The following MROH1 variants were observed in gnomAD, a reference collection of about 807,000 sequenced individuals.
The protein encoded by MROH1 is maestro heat like repeat family member 1, also known as maestro heat-like repeat-containing protein family member 1.
In MROH1, 117 loss-of-function variants were observed where a neutral mutation model predicts 116.5. The observed-to-expected ratio is 1.00, with a 90% CI of 0.86 to 1.17. MROH1 has a LOEUF of 1.17. Ranked by LOEUF, MROH1 falls within the 50% of genes most tolerant of loss-of-function variation. The pLI, the probability that MROH1 is intolerant of heterozygous loss-of-function variation, is 0.00. For synonymous variants in MROH1, 921 were observed against 583.9 expected (o/e 1.58, Z -8.32); for missense variants, 1,873 against 1,338.5 (o/e 1.40, Z -6.23).
At chr8:144,233,831 G>A (rs1033783031) in intron 14 of MROH1, among the ~76,000 whole-genome samples, 8 of 152,176 alleles carry the variant, frequency 5.3e-5, no homozygotes, top group Non-Finnish European at 1.2e-4. Context: ...CTGAAATTGG[G>A]AAATACAAGT....
chr8:144,222,516 A>C (rs1836991653), intron 13 of MROH1, among the ~76,000 whole-genome samples: 1 of 152,156 alleles, frequency 6.6e-6, no homozygotes, highest in African/African-American at 2.4e-5. Flanking sequence ...GTGCAGGTAC[A>C]GGTACATCCA....
At position 144,228,024 on chromosome 8, in the gene MROH1, G is replaced by A. The variant is rs182171891; in HGVS notation, c.1338+4794G>A. 2.6e-5 allele frequency among the ~76,000 whole-genome samples: 4 copies of A among 152,082 alleles called. No homozygotes were observed. In the East Asian group the frequency reaches 7.8e-4, roughly 29 times the overall value. The stretch of plus-strand genomic sequence containing the variant: ...GGGCAGGAAAATCGTTTAAGGCCAG[G>A]AATTTGAGACCAGCCTGGACAATGT... On this transcript the variant is annotated intron_variant, in intron 14 of 43. Coordinates refer to ENST00000326134, the MANE Select transcript of MROH1 (RefSeq NM_032450.3).
chr8:144,242,960 C>T (rs2132960477), intron 24 of MROH1, among the ~76,000 whole-genome samples: 1 of 152,334 alleles, frequency 6.6e-6, no homozygotes, highest in Admixed American at 6.5e-5. Flanking sequence ...GGCTGTACCT[C>T]CCCGGACCCC....
At chr8:144,187,701 T>A (rs1827539915) in intron 7 of MROH1, among the ~76,000 whole-genome samples, 1 of 152,100 alleles carries the variant, frequency 6.6e-6, no homozygotes. Context: ...AGTCAACCAT[T>A]GGGTTTGCGC....
chr8:144,159,378 A>G (rs1200320486), intron 1 of MROH1, among the ~76,000 whole-genome samples: 3 of 152,126 alleles, frequency 2.0e-5, no homozygotes, highest in Non-Finnish European at 4.4e-5. Flanking sequence ...GGAGAGAGAG[A>G]GAAATGTTGA....
chr8:144,187,848 G>T (rs528571054), intron 7 of MROH1, among the ~76,000 whole-genome samples: 1 of 152,336 alleles, frequency 6.6e-6, no homozygotes, highest in East Asian at 1.9e-4. Flanking sequence ...TTGCTGCAGG[G>T]TCTGTGTCAG....
chr8:144,211,737 A>G (rs992461243), intron 12 of MROH1, among the ~76,000 whole-genome samples: 2 of 152,128 alleles, frequency 1.3e-5, no homozygotes, highest in Non-Finnish European at 2.9e-5. Context: ...AAAAAAAAAA[A>G]AAAGAAAAAG....
rs1273556347 is a variant in MROH1 at position 144,182,460 on chromosome 8, ATC to A, written c.562+1941_562+1942del. Among the ~76,000 whole-genome samples, 1 of 152,112 alleles carries A rather than the reference ATC, an allele frequency of 6.6e-6. No individual in the cohort carries two copies. Among genetic ancestry groups the A allele is most frequent in the Non-Finnish European group, 1.5e-5 (1 of 68,018 alleles). On this transcript the variant is annotated intron_variant, in intron 7 of 43. Transcript: ENST00000326134. This position sits in a 1 kb window ranked among gnomAD's most constrained non-coding sequence, Gnocchi z 4.1. The stretch of plus-strand genomic sequence containing the variant: ...GAGAAGAAAATAACAGAGAAAGAAA[ATC>A]TCTGATTAATATCCTCAGGAAAATA...
chr8:144,150,605 G>C (rs1470162811), intron 1 of MROH1, among the ~76,000 whole-genome samples: 1 of 152,194 alleles, frequency 6.6e-6, no homozygotes, highest in Non-Finnish European at 1.5e-5. Flanking sequence ...CCTTTGACTG[G>C]TGACACTTTT....
chr8:144,250,779 GACCC>G (rs1842725976), intron 33 of MROH1: 2 of 358,612 alleles, frequency 5.6e-6, no homozygotes, highest in African/African-American at 2.1e-5. Flanking sequence ...CCTGTGAGCA[GACCC>G]CTGGGAACTG....
chr8:144,172,472 C>T (rs1458443580), intron 4 of MROH1, among the ~76,000 whole-genome samples: 7 of 150,818 alleles, frequency 4.6e-5, no homozygotes, highest in South Asian at 4.2e-4. Flanking sequence ...AGGGCAATGG[C>T]GCGATCTCGG....
intron 12 of MROH1, among the ~76,000 whole-genome samples, chr8:144,211,985 GCTT>G (rs1834202540): frequency 1.3e-5 from 2 of 152,092 alleles, no homozygotes; most frequent in African/African-American, 4.8e-5. Flanking sequence ...CATGTTTTAG[GCTT>G]CTTTCATCTG....
chr8:144,152,714 T>A (rs954485834), intron 1 of MROH1, among the ~76,000 whole-genome samples: 3 of 151,846 alleles, frequency 2.0e-5, no homozygotes, highest in Admixed American at 2.0e-4. Context: ...ACCCGGCTAA[T>A]TTTTTGTATT....
At chr8:144,179,681 G>A (rs547684478) in intron 5 of MROH1, 95 bp downstream of exon 5, 2 of 1,489,188 alleles carry the variant, frequency 1.3e-6, no homozygotes, top group East Asian at 5.0e-5. Flanking sequence ...TGAGAGTATA[G>A]GGTGGTGTTT....
At chr8:144,149,103 T>C (rs1052535159) in intron 1 of MROH1, among the ~76,000 whole-genome samples, 1 of 152,090 alleles carries the variant, frequency 6.6e-6, no homozygotes, top group Non-Finnish European at 1.5e-5. Flanking sequence ...TGGATGGAGA[T>C]GTCCCGAAGA....
Position 144,260,938 on chromosome 8 carries a change from C to T in MROH1, c.4568C>T (p.Pro1523Leu), listed in dbSNP as rs1844924410. ...AGGTTTGCCCTGCGCATGTGTGGCCCCAATCTGGCATGTGAGGAGCTCTCA... is the reference window on the plus strand; with the variant it reads ...AGGTTTGCCCTGCGCATGTGTGGCCTCAATCTGGCATGTGAGGAGCTCTCA... ...ACRFALRMCG[P>L]NLACEELSAA... The change falls in exon 41 of 44, where the codon CCC becomes CTC. Residue 1523 changes from proline (P) to leucine (L), a missense_variant. Pro to Leu is a moderately conservative substitution (Grantham distance 98, BLOSUM62 -3). Coordinates refer to ENST00000326134, the MANE Select transcript of MROH1 (RefSeq NM_032450.3). The T allele has an allele frequency of 6.4e-6, 5 of 777,562 alleles. No individual in the cohort carries two copies. The highest frequency in any genetic ancestry group is 9.6e-6 in the Non-Finnish European group (4 of 417,774). The allele number at this position is 777,562 out of a possible 1,614,324, so 48.2% of individuals were successfully genotyped here.
intron 4 of MROH1, among the ~76,000 whole-genome samples, chr8:144,173,672 C>G (rs918847281): frequency 2.0e-5 from 3 of 152,158 alleles, no homozygotes; most frequent in Non-Finnish European, 4.4e-5. Context: ...ATCCACCCAC[C>G]TCGGCCTCCC....
intron 1 of MROH1, among the ~76,000 whole-genome samples, chr8:144,158,513 AT>A (rs1818721002): frequency 1.3e-5 from 2 of 152,226 alleles, no homozygotes; most frequent in Admixed American, 1.3e-4. Flanking sequence ...CTAAAAAGAC[AT>A]TTAGTGCTAT....
chr8:144,194,850 G>A (rs1259096454), intron 10 of MROH1, among the ~76,000 whole-genome samples: 2 of 152,168 alleles, frequency 1.3e-5, no homozygotes, highest in Non-Finnish European at 2.9e-5. Flanking sequence ...TGAGGCTGCA[G>A]TGAGCCATGA....
Sources: gnomAD v4.1 joint callset for allele counts (sites outside exome capture counted in the v4.1 genomes callset) on GRCh38, gnomAD v4.1.1 for gene constraint, Gnocchi (gnomAD v3.1) non-coding constraint, MANE v1.5 for transcripts, NCBI Gene and HGNC (gene_info 2026-07-23, HGNC 2026-07-21) for gene names.